The following TDRP variants were observed in gnomAD, a reference collection of about 807,000 sequenced individuals.
The protein encoded by TDRP is testis development-related protein.
In TDRP, 12 loss-of-function variants were observed where a neutral mutation model predicts 10.5. That is an observed-to-expected ratio of 1.15 (90% CI 0.73 to 1.86). TDRP has a LOEUF of 1.86. TDRP is among the 40% of genes most tolerant of loss of function. The probability of loss-of-function intolerance (pLI) is 0.00; values close to 1 mark genes in which losing one functional copy is unlikely to be tolerated. For synonymous variants in TDRP, 139 were observed against 95.4 expected, an observed-to-expected ratio of 1.46 and a Z score of -2.67; for missense variants, 353 against 229.2, an observed-to-expected ratio of 1.54 and a Z score of -3.49.
intron 1 of TDRP, among the ~76,000 whole-genome samples, chr8:506,454 T>A (rs976494892): frequency 9.2e-5 from 14 of 152,162 alleles, no homozygotes; most frequent in African/African-American, 3.4e-4. Context: ...CCCAGCTGCC[T>A]GTGGCTGACA....
intron 1 of TDRP, among the ~76,000 whole-genome samples, chr8:528,001 A>G (rs1160843548): frequency 1.3e-5 from 2 of 152,206 alleles, no homozygotes; most frequent in African/African-American, 4.8e-5. Flanking sequence ...ATATCTGCAA[A>G]CAACCCACCT....
intron 1 of TDRP, among the ~76,000 whole-genome samples, chr8:496,002 G>A (rs1272818526): frequency 6.6e-6 from 1 of 152,208 alleles, no homozygotes; most frequent in African/African-American, 2.4e-5. Context: ...TGACTGGAGA[G>A]GCGTTTATGA....
chr8:492,444 C>T lies in TDRP; in HGVS notation c.513G>A (p.Arg171=), dbSNP rs771737792. 3.8e-6 allele frequency: 6 copies of T among 1,591,372 alleles called. No homozygotes were observed. Among genetic ancestry groups the T allele is most frequent in the Non-Finnish European group, 5.2e-6 (6 of 1,164,916 alleles). Residue 171 remains arginine, a synonymous_variant, in exon 3 of 3, where the codon CGG becomes CGA. Coordinates refer to ENST00000324079, the MANE Select transcript of TDRP (RefSeq NM_001384899.1). The part of the protein sequence containing the change: ...RAAGRLVSIR[R]QSKGHLTDSP... ...TATCTGTCAGGTGGCCTTTACTCTGCCGTCGGATGCTCACCAGCCTCCCTG... is the reference window on the plus strand; with the variant it reads ...TATCTGTCAGGTGGCCTTTACTCTGTCGTCGGATGCTCACCAGCCTCCCTG...
chr8:494,507 G>T lies in TDRP; in HGVS notation c.199C>A (p.Pro67Thr), dbSNP rs1442665708. The change falls in exon 2 of 3, where the codon CCC becomes ACC. Residue 67 changes from proline (P) to threonine (T), a missense_variant. Pro to Thr is a conservative substitution (Grantham distance 38). Coordinates refer to ENST00000324079, the MANE Select transcript of TDRP (RefSeq NM_001384899.1). ...EQHLLERCKSPKSKGTNLRLK... is the reference protein window; with the variant it reads ...EQHLLERCKSTKSKGTNLRLK... Reference sequence around the variant, plus strand: ...GTTATGACTTACCCTTTGGACTTGGGAGATTTACATCTTTCCAGGAGATGC... The same window carrying T: ...GTTATGACTTACCCTTTGGACTTGGTAGATTTACATCTTTCCAGGAGATGC... 1.2e-5 allele frequency: 20 copies of T among 1,613,684 alleles called. No individual in the cohort carries two copies. Among genetic ancestry groups the T allele is most frequent in the Non-Finnish European group, 1.4e-5 (17 of 1,179,794 alleles).
At chr8:527,190 C>T (rs1217516659) in intron 1 of TDRP, among the ~76,000 whole-genome samples, 1 of 151,982 alleles carries the variant, frequency 6.6e-6, no homozygotes, top group South Asian at 2.1e-4. Flanking sequence ...AAATTAAATA[C>T]CTAAGAAGTA....
At chr8:536,364 A>G (rs1310796126) in intron 1 of TDRP, among the ~76,000 whole-genome samples, 1 of 152,250 alleles carries the variant, frequency 6.6e-6, no homozygotes, top group East Asian at 1.9e-4. Flanking sequence ...TAAAAACACT[A>G]CTGAGGACCT....
upstream of TDRP, among the ~76,000 whole-genome samples, chr8:545,236 C>G (rs1223403800): frequency 3.1e-5 from 4 of 129,836 alleles, no homozygotes; most frequent in African/African-American, 1.2e-4. Context: ...TCACCTGGTC[C>G]CCCCACCTTG....
At chr8:512,646 C>G (rs1368563850) in intron 1 of TDRP, among the ~76,000 whole-genome samples, 1 of 151,108 alleles carries the variant, frequency 6.6e-6, no homozygotes, top group Non-Finnish European at 1.5e-5. Flanking sequence ...CCAAAACTGA[C>G]TCAAGAAGAA....
intron 1 of TDRP, among the ~76,000 whole-genome samples, chr8:521,129 G>A (rs927607464): frequency 6.6e-6 from 1 of 151,634 alleles, no homozygotes; most frequent in South Asian, 2.1e-4. Flanking sequence ...TTGGCAGGGA[G>A]CAGCAGCTCA....
At chr8:508,156 C>A (rs1437137615) in intron 1 of TDRP, among the ~76,000 whole-genome samples, 1 of 151,956 alleles carries the variant, frequency 6.6e-6, no homozygotes, top group Non-Finnish European at 1.5e-5. Context: ...GAGAGAATGC[C>A]AGTAAAGAGA....
At chr8:500,349 G>A (rs779231149) in intron 1 of TDRP, among the ~76,000 whole-genome samples, 1 of 152,156 alleles carries the variant, frequency 6.6e-6, no homozygotes, top group Non-Finnish European at 1.5e-5. Context: ...CCTCTGGCTG[G>A]CATTGAATAC....
intron 1 of TDRP, among the ~76,000 whole-genome samples, chr8:537,521 G>A (rs946641899): frequency 1.3e-5 from 2 of 152,202 alleles, no homozygotes; most frequent in Non-Finnish European, 2.9e-5. Flanking sequence ...GCTGGATATG[G>A]ATGACTTCAT....
At chr8:531,531 G>A (rs1321063248) in intron 1 of TDRP, among the ~76,000 whole-genome samples, 2 of 152,172 alleles carry the variant, frequency 1.3e-5, no homozygotes, top group South Asian at 4.1e-4. Context: ...TGGTACTGAA[G>A]AATTGGTTGG....
intron 1 of TDRP, among the ~76,000 whole-genome samples, chr8:515,031 C>T (rs1279666143): frequency 6.6e-6 from 1 of 152,078 alleles, no homozygotes; most frequent in Non-Finnish European, 1.5e-5. Flanking sequence ...TTAAATATTC[C>T]ATCAATACTG....
chr8:542,996 T>C (rs1802538808), intron 1 of TDRP, among the ~76,000 whole-genome samples: 1 of 151,264 alleles, frequency 6.6e-6, no homozygotes, highest in Non-Finnish European at 1.5e-5. Context: ...CTTTTCCGCA[T>C]GTTAGAAATT....
intron 1 of TDRP, among the ~76,000 whole-genome samples, chr8:513,242 G>C (rs1019181922): frequency 6.6e-6 from 1 of 151,614 alleles, no homozygotes; most frequent in Admixed American, 6.6e-5. Context: ...TTATGAATAT[G>C]GACCAAAAAA....
intron 1 of TDRP, among the ~76,000 whole-genome samples, chr8:506,462 A>AC (rs1353894768): frequency 6.6e-6 from 1 of 152,086 alleles, no homozygotes; most frequent in Non-Finnish European, 1.5e-5. Context: ...CCTGTGGCTG[A>AC]CACTAAGCCG....
chr8:524,289 G>C (rs116678773), intron 1 of TDRP, among the ~76,000 whole-genome samples: 1,551 of 152,208 alleles, frequency 0.01, 28 homozygotes, highest in African/African-American at 0.035. Context: ...CAACACCCAA[G>C]TCCCTTTGAA....
chr8:492,836 T>TA lies in TDRP; in HGVS notation c.213-93dup, dbSNP rs1192417654. ...ACAAACATAAAATTCTTTAAAATTT[T>TA]AAAAAATTGTTTAGAAAACTAACAC... On this transcript the variant is annotated intron_variant, in intron 2 of 2. Coordinates refer to ENST00000324079, the MANE Select transcript of TDRP (RefSeq NM_001384899.1). 1.4e-5 allele frequency: 15 copies of TA among 1,044,454 alleles called. No individual in the cohort carries two copies. The African/African-American group carries it at 2.4e-4, about 17-fold the overall frequency. 64.7% of individuals were successfully genotyped at this position (1,044,454 alleles called of 1,614,324 possible).
Sources: allele counts gnomAD v4.1 joint callset (sites outside exome capture counted in the v4.1 genomes callset), GRCh38; gene constraint gnomAD v4.1.1; transcripts MANE v1.5; gene names NCBI Gene and HGNC (gene_info 2026-07-23, HGNC 2026-07-21).